Variants in KCNAB1 observed in about 807,000 individuals in gnomAD.
KCNAB1 encodes voltage-gated potassium channel subunit beta-1.
KCNAB1 carries 35 observed loss-of-function variants against 64.6 expected under a neutral mutation model. That is an observed-to-expected ratio of 0.54 (90% CI 0.41 to 0.72). The LOEUF is 0.72. Among genes scored for constraint, KCNAB1 ranks in the 30% least tolerant of loss-of-function variants. The pLI is 0.00. For synonymous variants in KCNAB1, 177 were observed against 183.8 expected (o/e 0.96, Z 0.30); for missense variants, 401 against 512.9 (o/e 0.78, Z 2.11).
intron 1 of KCNAB1, among the ~76,000 whole-genome samples, chr3:156,206,973 G>A (rs925495331): frequency 6.6e-6 from 1 of 152,202 alleles, no homozygotes; most frequent in Non-Finnish European, 1.5e-5. Context: ...ACGTGACATT[G>A]TCTGTCCCTG....
chr3:156,145,149 G>T (rs1364884600), intron 1 of KCNAB1, among the ~76,000 whole-genome samples: 1 of 152,120 alleles, frequency 6.6e-6, no homozygotes, highest in African/African-American at 2.4e-5. Flanking sequence ...TACTGCCTTG[G>T]ACAAGGGTGT....
chr3:156,397,084 A>G (rs562937032), intron 1 of KCNAB1, among the ~76,000 whole-genome samples: 1 of 152,380 alleles, frequency 6.6e-6, no homozygotes, highest in East Asian at 1.9e-4. Context: ...CTTGGCTACC[A>G]GAAACTGCAC....
At chr3:156,294,275 G>A (rs1409871686) in intron 1 of KCNAB1, among the ~76,000 whole-genome samples, 2 of 152,070 alleles carry the variant, frequency 1.3e-5, no homozygotes, top group East Asian at 1.9e-4. Context: ...TGGGATCTTC[G>A]GTATATGTTG....
intron 1 of KCNAB1, among the ~76,000 whole-genome samples, chr3:156,138,308 G>A (rs985185206): frequency 3.9e-5 from 6 of 152,132 alleles, no homozygotes; most frequent in African/African-American, 1.4e-4. Flanking sequence ...ATGAAGTTCC[G>A]GTAAATAATC....
chr3:156,340,346 A>G (rs1724012731), intron 1 of KCNAB1, among the ~76,000 whole-genome samples: 1 of 152,234 alleles, frequency 6.6e-6, no homozygotes, highest in Non-Finnish European at 1.5e-5. Context: ...TTATTCTACT[A>G]AATGCCAAAT....
At chr3:156,372,780 A>G (rs1038244133) in intron 1 of KCNAB1, among the ~76,000 whole-genome samples, 45 of 152,254 alleles carry the variant, frequency 3.0e-4, no homozygotes, top group Non-Finnish European at 3.8e-4. Context: ...AGAATATACA[A>G]TGCCTTGGGG....
chr3:156,272,804 G>A (rs935309216), intron 1 of KCNAB1, among the ~76,000 whole-genome samples: 1 of 151,890 alleles, frequency 6.6e-6, no homozygotes, highest in African/African-American at 2.4e-5. Flanking sequence ...TGCCACTTCT[G>A]TGAATATGCT....
intron 1 of KCNAB1, among the ~76,000 whole-genome samples, chr3:156,146,284 G>C (rs1251838814): frequency 6.6e-6 from 1 of 152,104 alleles, no homozygotes; most frequent in African/African-American, 2.4e-5. Context: ...AAAAATAGAA[G>C]TTTTAAAATT....
intron 1 of KCNAB1, among the ~76,000 whole-genome samples, chr3:156,131,918 G>A (rs1714022032): frequency 6.6e-6 from 1 of 152,168 alleles, no homozygotes; most frequent in South Asian, 2.1e-4. Flanking sequence ...GGAGCAGGTG[G>A]AGGCCCCATT....
intron 4 of KCNAB1, 129 bp from the exon 5 acceptor site, chr3:156,459,698 G>A (rs1053356986): frequency 1.9e-5 from 12 of 638,298 alleles, no homozygotes; most frequent in East Asian, 1.1e-4. Flanking sequence ...GCTACCAGCC[G>A]AGAGCGGCTT....
At chr3:156,297,192 A>C (rs1720843953) in intron 1 of KCNAB1, among the ~76,000 whole-genome samples, 1 of 151,576 alleles carries the variant, frequency 6.6e-6, no homozygotes. Context: ...ATTAATCTTC[A>C]AGTCATCTCT....
At chr3:156,192,628 A>G (rs1713629256) in intron 1 of KCNAB1, among the ~76,000 whole-genome samples, 1 of 151,958 alleles carries the variant, frequency 6.6e-6, no homozygotes, top group South Asian at 2.1e-4. Context: ...TTTTTTGGCA[A>G]TTCTATCAGT....
intron 2 of KCNAB1, among the ~76,000 whole-genome samples, chr3:156,429,348 G>A (rs1221334452): frequency 6.6e-6 from 1 of 152,170 alleles, no homozygotes; most frequent in Non-Finnish European, 1.5e-5. Flanking sequence ...CAACTGGACT[G>A]GAAAGCCTCC....
chr3:156,214,635 G>A (rs1258647449), intron 1 of KCNAB1, among the ~76,000 whole-genome samples: 1 of 152,166 alleles, frequency 6.6e-6, no homozygotes, highest in Non-Finnish European at 1.5e-5. Context: ...TCAAGGTAGG[G>A]CATTCAGCTA....
chr3:156,455,485 G>A (rs933878004), intron 3 of KCNAB1, among the ~76,000 whole-genome samples: 3 of 152,184 alleles, frequency 2.0e-5, no homozygotes, highest in African/African-American at 7.2e-5. Flanking sequence ...AGATGTTACT[G>A]ATATGAATAA....
intron 1 of KCNAB1, among the ~76,000 whole-genome samples, chr3:156,228,570 A>T (rs1006938126): frequency 6.6e-6 from 1 of 152,198 alleles, no homozygotes; most frequent in African/African-American, 2.4e-5. Context: ...AGACCGCTGC[A>T]GGTGTGCTAG....
intron 5 of KCNAB1, chr3:156,460,106 G>T: frequency 2.2e-6 from 1 of 446,566 alleles, no homozygotes; most frequent in South Asian, 4.5e-5. Flanking sequence ...GCAGAGAAGG[G>T]GGGGATGTTC....
In KCNAB1 at chr3:156,120,697, C is replaced by T. The variant is rs1355577518; in HGVS notation, c.86C>T (p.Ala29Val). 6.2e-7 allele frequency: 1 copy of T among 1,614,226 alleles called. No homozygotes were observed. Among genetic ancestry groups the T allele is most frequent in the Non-Finnish European group, 8.5e-7 (1 of 1,180,042 alleles). ...KLRRQSGFSV[A>V]GKDKSPKKAS... ...AGGAGACAGTCTGGGTTTTCTGTAG[C>T]AGGGAAAGACAAATCTCCCAAGAAA... Residue 29 changes from alanine to valine, a missense_variant, in exon 1 of 14, where the codon GCA becomes GTA. Physicochemically the swap from Ala to Val is moderately conservative, Grantham distance 64 (BLOSUM62 0). Transcript: ENST00000490337.
intron 2 of KCNAB1, among the ~76,000 whole-genome samples, chr3:156,430,008 T>A (rs921821210): frequency 1.3e-5 from 2 of 152,266 alleles, no homozygotes; most frequent in Non-Finnish European, 2.9e-5. Flanking sequence ...CAGACCTTTG[T>A]ATTTTTCCAA....
Sources: gnomAD v4.1 joint callset for allele counts (sites outside exome capture counted in the v4.1 genomes callset) on GRCh38, gnomAD v4.1.1 for gene constraint, MANE v1.5 for transcripts, NCBI Gene and HGNC (gene_info 2026-07-23, HGNC 2026-07-21) for gene names.